The following NME7 variants were observed in gnomAD, a reference collection of about 807,000 sequenced individuals.
NME7 encodes nucleoside diphosphate kinase 7.
Under a neutral mutation model 49.1 loss-of-function variants are expected in NME7, and 41 were observed. That is an observed-to-expected ratio of 0.83 (90% CI 0.65 to 1.08). The LOEUF (loss-of-function observed/expected upper bound fraction) is 1.08, where lower values mean the gene tolerates loss of function less well. NME7 is among the 50% of genes least tolerant of loss of function. The probability of loss-of-function intolerance (pLI) is 0.00; values close to 1 mark genes in which losing one functional copy is unlikely to be tolerated. For missense variants in NME7, 423 were observed against 463.4 expected (o/e 0.91, Z 0.80); for synonymous variants, 139 against 150.6 (o/e 0.92, Z 0.56).
At chr1:169,201,391 A>C (rs935094108) in intron 10 of NME7, among the ~76,000 whole-genome samples, 2 of 152,140 alleles carry the variant, frequency 1.3e-5, no homozygotes, top group African/African-American at 4.8e-5. Context: ...CTAGATTTAC[A>C]TTTTAAAAAG....
chr1:169,218,469 C>A (rs1271018626), intron 10 of NME7, among the ~76,000 whole-genome samples: 1 of 151,914 alleles, frequency 6.6e-6, no homozygotes, highest in African/African-American at 2.4e-5. Flanking sequence ...GCCTATAGTC[C>A]CAGCTACTCG....
At chr1:169,221,651 A>C (rs1385745880) in intron 10 of NME7, among the ~76,000 whole-genome samples, 1 of 151,838 alleles carries the variant, frequency 6.6e-6, no homozygotes, top group East Asian at 1.9e-4. Context: ...TGTGCCAGGT[A>C]GTATATGTGC....
intron 10 of NME7, among the ~76,000 whole-genome samples, chr1:169,175,599 A>G (rs1226090017): frequency 6.6e-6 from 1 of 152,074 alleles, no homozygotes; most frequent in Non-Finnish European, 1.5e-5. Flanking sequence ...GCTCCATTAT[A>G]ATCTTATGGG....
rs1030609501 is a variant in NME7, at chr1:169,262,717, C to A, written c.754+24586G>T. Among the ~76,000 whole-genome samples, 13 of 133,336 alleles carry A rather than the reference C, an allele frequency of 9.7e-5. 2 individuals carry two copies. Among genetic ancestry groups the A allele is most frequent in the African/African-American group, 3.3e-4 (13 of 39,356 alleles). 87.5% of individuals were successfully genotyped at this position (133,336 alleles called of 152,430 possible). On this transcript the variant is annotated intron_variant, in intron 7 of 11. Coordinates refer to ENST00000367811, the MANE Select transcript of NME7 (RefSeq NM_013330.5). The stretch of plus-strand genomic sequence containing the variant: ...AGTGACAGCCCCCAGGGGGACTCAC[C>A]CTTACCACATGGACCCATGCAAGAC...
chr1:169,136,626 CCTT>C (rs760701744), intron 11 of NME7, among the ~76,000 whole-genome samples: 12 of 152,328 alleles, frequency 7.9e-5, no homozygotes, highest in Admixed American at 2.6e-4. Flanking sequence ...TCCTTCCCCT[CCTT>C]CTTCTGCCAT....
At chr1:169,333,734 A>G (rs1293270133) in intron 1 of NME7, among the ~76,000 whole-genome samples, 1 of 151,918 alleles carries the variant, frequency 6.6e-6, no homozygotes, top group Non-Finnish European at 1.5e-5. Flanking sequence ...GCTCTTAGAC[A>G]CTCTCCTTAA....
At chr1:169,295,793 G>A (rs895388018) in intron 6 of NME7, among the ~76,000 whole-genome samples, 48 of 152,040 alleles carry the variant, frequency 3.2e-4, no homozygotes, top group African/African-American at 1.2e-3. Flanking sequence ...TCCTTTTCCA[G>A]ATCACCATTT....
chr1:169,318,898 G>C (rs1327343928), intron 3 of NME7, among the ~76,000 whole-genome samples: 1 of 152,074 alleles, frequency 6.6e-6, no homozygotes, highest in African/African-American at 2.4e-5. Flanking sequence ...GGGGGTAGCG[G>C]TGGTGAAGTG....
chr1:169,212,425 C>A (rs1321598205), intron 10 of NME7, among the ~76,000 whole-genome samples: 1 of 151,902 alleles, frequency 6.6e-6, no homozygotes, highest in Non-Finnish European at 1.5e-5. Flanking sequence ...TTATTTGTAA[C>A]CCCAAAATCA....
chr1:169,217,482 A>C (rs1056618862), intron 10 of NME7, among the ~76,000 whole-genome samples: 28 of 152,220 alleles, frequency 1.8e-4, no homozygotes, highest in Non-Finnish European at 3.1e-4. Flanking sequence ...TATATTGTTA[A>C]AATTAATGCC....
At chr1:169,217,852 C>G (rs183297180) in intron 10 of NME7, among the ~76,000 whole-genome samples, 145 of 152,290 alleles carry the variant, frequency 9.5e-4, no homozygotes, top group Middle Eastern at 3.4e-3. Context: ...CAGCTTAAAG[C>G]AGCACTATAA....
chr1:169,352,899 T>C (rs879842046), intron 1 of NME7, among the ~76,000 whole-genome samples: 3 of 151,558 alleles, frequency 2.0e-5, no homozygotes, highest in Non-Finnish European at 4.4e-5. Flanking sequence ...TAAAAGAAAT[T>C]GAAAAAGCCA....
intron 11 of NME7, among the ~76,000 whole-genome samples, chr1:169,164,057 T>C (rs898050323): frequency 2.0e-5 from 3 of 148,064 alleles, no homozygotes; most frequent in Non-Finnish European, 4.5e-5. Flanking sequence ...TTGCAGTGAG[T>C]CGAGACTGCA....
chr1:169,258,071 C>G (rs1180282632), intron 7 of NME7, among the ~76,000 whole-genome samples: 1 of 132,770 alleles, frequency 7.5e-6, no homozygotes, highest in Admixed American at 7.5e-5. Flanking sequence ...GGCACAGTGG[C>G]TCATACCTAT....
chr1:169,156,864 A>G (rs13375997), intron 11 of NME7, among the ~76,000 whole-genome samples: 2,600 of 152,332 alleles, frequency 0.017, 69 homozygotes, highest in African/African-American at 0.057. Context: ...AAGAATTACA[A>G]TTTGATAGCT....
At chr1:169,278,835 A>G (rs987344704) in intron 7 of NME7, among the ~76,000 whole-genome samples, 1 of 151,944 alleles carries the variant, frequency 6.6e-6, no homozygotes, top group Non-Finnish European at 1.5e-5. Flanking sequence ...TTGATCTTTG[A>G]TGATGGTGAT....
Position 169,287,410 on chromosome 1 carries a change from TAA to T in NME7, c.649-4_649-3del, listed in dbSNP as rs781095244. On this transcript the variant is annotated splice_region_variant and splice_polypyrimidine_tract_variant and intron_variant, in intron 6 of 11. Coordinates refer to ENST00000367811, the MANE Select transcript of NME7 (RefSeq NM_013330.5). Reference sequence around the variant, plus strand: ...TGAAGGAAAAAACAACTCCATTTCCTAAAGACAGAGAGAAATGATTTTGACAA... The same window carrying T: ...TGAAGGAAAAAACAACTCCATTTCCTAGACAGAGAGAAATGATTTTGACAA... The T allele has an allele frequency of 1.3e-5, 20 of 1,581,260 alleles. No homozygotes were observed. The highest frequency in any genetic ancestry group is 9.5e-5 in the African/African-American group (7 of 73,646).
chr1:169,331,511 T>C (rs1009835840), intron 1 of NME7, among the ~76,000 whole-genome samples: 2 of 152,224 alleles, frequency 1.3e-5, no homozygotes, highest in East Asian at 1.9e-4. Context: ...GGCATCCAAA[T>C]TGAAAAGGAA....
chr1:169,251,479 A>G (rs1053759567), intron 7 of NME7, among the ~76,000 whole-genome samples: 7 of 150,920 alleles, frequency 4.6e-5, no homozygotes, highest in African/African-American at 1.7e-4. Context: ...TTTATATCCA[A>G]TGTTAATATT....
Sources: allele counts gnomAD v4.1 joint callset (sites outside exome capture counted in the v4.1 genomes callset), GRCh38; gene constraint gnomAD v4.1.1; transcripts MANE v1.5; gene names NCBI Gene and HGNC (gene_info 2026-07-23, HGNC 2026-07-21).